STXBP5L: variants seen among roughly 807,000 people sequenced by gnomAD.
STXBP5L encodes syntaxin-binding protein 5-like.
A neutral mutation model predicts 144.5 loss-of-function variants in STXBP5L; 65 were observed. The observed-to-expected ratio is 0.45, with a 90% CI of 0.37 to 0.55. The LOEUF is 0.55. Ranked by LOEUF, STXBP5L falls within the 20% of genes least tolerant of loss-of-function variation. The probability of loss-of-function intolerance (pLI) is 0.00; values close to 1 mark genes in which losing one functional copy is unlikely to be tolerated. For missense variants in STXBP5L, 1,298 were observed against 1,405.5 expected (o/e 0.92, Z 1.22); for synonymous variants, 505 against 469.6 (o/e 1.08, Z -0.97).
chr3:121,181,877 T>G (rs1394707379), intron 9 of STXBP5L, among the ~76,000 whole-genome samples: 1 of 150,412 alleles, frequency 6.6e-6, no homozygotes, highest in African/African-American at 2.5e-5. Context: ...TCCATGCAAA[T>G]GTAAACCAAA....
chr3:121,156,796 A>G (rs1341282276), intron 8 of STXBP5L, among the ~76,000 whole-genome samples: 3 of 151,986 alleles, frequency 2.0e-5, no homozygotes, highest in Admixed American at 1.3e-4. Context: ...CTTACATATC[A>G]TTTACATTCT....
chr3:121,315,785 T>G (rs1427438190), intron 19 of STXBP5L, among the ~76,000 whole-genome samples: 1 of 152,004 alleles, frequency 6.6e-6, no homozygotes, highest in Admixed American at 6.6e-5. Context: ...GCAGATCACT[T>G]GAGGTCAGGA....
intron 22 of STXBP5L, among the ~76,000 whole-genome samples, chr3:121,394,298 A>C (rs1037613976): frequency 1.3e-5 from 2 of 152,130 alleles, no homozygotes; most frequent in Non-Finnish European, 2.9e-5. Context: ...GAGGTCATTT[A>C]TCAAATCTAG....
intron 5 of STXBP5L, among the ~76,000 whole-genome samples, chr3:121,093,570 G>C (rs368436681): frequency 6.6e-6 from 1 of 152,300 alleles, no homozygotes; most frequent in Non-Finnish European, 1.5e-5. Flanking sequence ...AGAGCTGTTT[G>C]TAGTATTCGC....
intron 8 of STXBP5L, among the ~76,000 whole-genome samples, chr3:121,154,575 G>T (rs1442212748): frequency 6.6e-6 from 1 of 151,270 alleles, no homozygotes; most frequent in African/African-American, 2.4e-5. Context: ...TATTCTTCAG[G>T]ATATTATGTC....
intron 3 of STXBP5L, among the ~76,000 whole-genome samples, chr3:120,975,803 A>G (rs1461163518): frequency 2.0e-5 from 3 of 152,070 alleles, no homozygotes; most frequent in Admixed American, 1.3e-4. Flanking sequence ...TGAGATAATC[A>G]TGTGGTTTTT....
At chr3:120,930,957 A>G (rs1576436644) in intron 2 of STXBP5L, among the ~76,000 whole-genome samples, 2 of 152,200 alleles carry the variant, frequency 1.3e-5, no homozygotes, top group East Asian at 1.9e-4. Flanking sequence ...TGGCAATCAC[A>G]TACCAATTTC....
chr3:121,389,182 G>T (rs1026164319), intron 22 of STXBP5L, among the ~76,000 whole-genome samples: 95 of 152,160 alleles, frequency 6.2e-4, no homozygotes, highest in Non-Finnish European at 1.1e-3. Context: ...TTGCGTAGAG[G>T]TGTTTATAGT....
At chr3:121,153,635 T>G (rs1038581958) in intron 8 of STXBP5L, among the ~76,000 whole-genome samples, 3 of 151,948 alleles carry the variant, frequency 2.0e-5, no homozygotes, top group Admixed American at 6.6e-5. Flanking sequence ...AGTTAATTTT[T>G]TAAGTTTCGG....
chr3:121,054,193 G>A (rs1462656825), intron 5 of STXBP5L, among the ~76,000 whole-genome samples: 5 of 152,080 alleles, frequency 3.3e-5, no homozygotes, highest in East Asian at 1.9e-4. Flanking sequence ...CGATTCCTCA[G>A]GGATCTAGAA....
intron 9 of STXBP5L, among the ~76,000 whole-genome samples, chr3:121,193,034 C>T (rs1302577992): frequency 1.4e-5 from 2 of 142,790 alleles, no homozygotes; most frequent in Admixed American, 1.4e-4. Context: ...AGTGAATAGG[C>T]AACCTACAGA....
At position 121,092,906 on chromosome 3, in the gene STXBP5L, G is replaced by T. The variant is rs190558398; in HGVS notation, c.471-22019G>T. ...CCATTCAGTATGATATTGGCTGTGG[G>T]TTTGTCATAGATAGCTGTTATTGTT... On this transcript the variant is annotated intron_variant, in intron 5 of 26. Transcript: ENST00000471454. Among the ~76,000 whole-genome samples the T allele has an allele frequency of 5.1e-3, 770 of 152,254 alleles. 8 individuals are homozygous for T. Among genetic ancestry groups the T allele is most frequent in the African/African-American group, 0.017 (721 of 41,552 alleles).
intron 22 of STXBP5L, among the ~76,000 whole-genome samples, chr3:121,395,208 T>A (rs563063179): frequency 2.0e-5 from 3 of 152,286 alleles, no homozygotes; most frequent in African/African-American, 7.2e-5. Flanking sequence ...GGCATGTAGT[T>A]TTGAGGTATT....
At chr3:121,256,300 A>C (rs1253528513) in intron 16 of STXBP5L, among the ~76,000 whole-genome samples, 2 of 152,026 alleles carry the variant, frequency 1.3e-5, no homozygotes, top group East Asian at 3.8e-4. Context: ...AATTATGACA[A>C]TAATTTTGGT....
At chr3:121,061,512 A>T (rs2041276568) in intron 5 of STXBP5L, among the ~76,000 whole-genome samples, 2 of 152,194 alleles carry the variant, frequency 1.3e-5, no homozygotes, top group Admixed American at 1.3e-4. Context: ...GCTGATATCA[A>T]GTCCTGAACA....
At chr3:121,288,309 T>C (rs2051302090) in intron 19 of STXBP5L, among the ~76,000 whole-genome samples, 1 of 152,226 alleles carries the variant, frequency 6.6e-6, no homozygotes, top group Admixed American at 6.5e-5. Flanking sequence ...TACGCATGCA[T>C]GTGTTTTTAT....
chr3:121,259,003 A>G (rs749802650), intron 17 of STXBP5L, 40 bp from the exon 18 acceptor site: 2 of 1,509,628 alleles, frequency 1.3e-6, no homozygotes, highest in South Asian at 1.4e-5. Flanking sequence ...GACCATGTTT[A>G]TTTAAGCTGT....
At position 120,908,236 on chromosome 3, in the gene STXBP5L, G is replaced by A. The variant is rs1708630088; in HGVS notation, c.-107G>A. 6.6e-6 allele frequency: 1 copy of A among 152,226 alleles called. No homozygotes were observed. The highest frequency in any genetic ancestry group is 6.5e-5 in the Admixed American group (1 of 15,284). 9.4% of individuals were successfully genotyped at this position (152,226 alleles called of 1,614,324 possible). A position where few individuals can be genotyped will look rare whatever the true frequency, so the allele number is the denominator to read the frequency against. On this transcript the variant is annotated 5_prime_UTR_variant, in exon 1 of 27. Coordinates refer to ENST00000471454, the MANE Select transcript of STXBP5L (RefSeq NM_001308330.2). Reference sequence around the variant, plus strand: ...TCGGTTAGGACCTCGGAGAGCGCCAGGCGCCGCGACCAGAGGGCCCAGAGA... The same window carrying A: ...TCGGTTAGGACCTCGGAGAGCGCCAAGCGCCGCGACCAGAGGGCCCAGAGA...
chr3:121,313,555 C>T (rs1273355231), intron 19 of STXBP5L, among the ~76,000 whole-genome samples: 1 of 53,516 alleles, frequency 1.9e-5, no homozygotes, highest in Non-Finnish European at 3.4e-5. Context: ...GGCGGCCGGC[C>T]GGGCGGGGGG....
Sources: allele counts gnomAD v4.1 joint callset (sites outside exome capture counted in the v4.1 genomes callset), GRCh38; gene constraint gnomAD v4.1.1; transcripts MANE v1.5; gene names NCBI Gene and HGNC (gene_info 2026-07-23, HGNC 2026-07-21).